Variants in SEMA6A observed in about 807,000 individuals in gnomAD.
SEMA6A encodes semaphorin 6A, also known as semaphorin-6A.
A neutral mutation model predicts 96.8 loss-of-function variants in SEMA6A; 25 were observed. The ratio of observed to expected loss-of-function variants is 0.26; its 90% CI spans 0.19 to 0.36. The LOEUF (loss-of-function observed/expected upper bound fraction) is 0.36, where lower values mean the gene tolerates loss of function less well. Ranked by LOEUF, SEMA6A falls within the 10% of genes least tolerant of loss-of-function variation. SEMA6A has a pLI of 1.00. For synonymous variants in SEMA6A, 612 were observed against 518.0 expected, an observed-to-expected ratio of 1.18 and a Z score of -2.46; for missense variants, 1,363 against 1,323.1, an observed-to-expected ratio of 1.03 and a Z score of -0.47.
At chr5:116,497,149 CTG>C (rs1208871754) in intron 4 of SEMA6A, among the ~76,000 whole-genome samples, 176 bp downstream of exon 4, 5 of 152,150 alleles carry the variant, frequency 3.3e-5, no homozygotes, top group African/African-American at 9.7e-5. Context: ...AAGTACATAA[CTG>C]TTTCTGAACA....
At position 116,447,764 on chromosome 5, in the gene SEMA6A, C is replaced by T. The variant is rs778751794; in HGVS notation, c.1942G>A (p.Val648Ile). 5.6e-5 allele frequency: 90 copies of T among 1,610,782 alleles called. No individual in the cohort carries two copies. The highest frequency in any genetic ancestry group is 7.2e-5 in the Non-Finnish European group (85 of 1,177,468). The change falls in exon 19 of 19, where the codon GTC (valine) becomes ATC (isoleucine). Residue 648 changes from valine to isoleucine, a missense_variant. Around this residue, in one of 2 missense-constraint regions of SEMA6A, gnomAD observed 883 missense variants for 763.6 expected, o/e 1.16. Coordinates refer to ENST00000343348, the MANE Select transcript of SEMA6A (RefSeq NM_020796.5). ...YLKGHDQLVP[V>I]TLLAIAVILA... ...ATGACTGCAATGGCCAAGAGGGTGACGGGAACCAGCTGGTCGTGGCCTTTG... is the reference window on the plus strand; with the variant it reads ...ATGACTGCAATGGCCAAGAGGGTGATGGGAACCAGCTGGTCGTGGCCTTTG...
chr5:116,574,438 CA>C lies in SEMA6A; in HGVS notation c.-293del, dbSNP rs553318441. Reference sequence around the variant, plus strand: ...GAGAAGGGGAGAGGAAAAAAGAAGCCAAAAAAAAAAAGAAGAAAAAGAAAAA... The same window carrying C: ...GAGAAGGGGAGAGGAAAAAAGAAGCCAAAAAAAAAAGAAGAAAAAGAAAAA... On this transcript the variant is annotated 5_prime_UTR_variant, in exon 1 of 19. Coordinates refer to ENST00000343348, the MANE Select transcript of SEMA6A (RefSeq NM_020796.5). 237 of 133,926 alleles carry C rather than the reference CA, an allele frequency of 1.8e-3. No individual in the cohort carries two copies. Among genetic ancestry groups the C allele is most frequent in the Middle Eastern group, 7.5e-3 (2 of 268 alleles). 8.3% of individuals were successfully genotyped at this position (133,926 alleles called of 1,614,324 possible).
chr5:116,519,645 G>T (rs533830476), intron 1 of SEMA6A, among the ~76,000 whole-genome samples: 4 of 150,068 alleles, frequency 2.7e-5, no homozygotes, highest in African/African-American at 4.9e-5. Context: ...TACATAAGTG[G>T]CTATAACGAT....
chr5:116,486,220 T>G (rs1757041064), intron 10 of SEMA6A, among the ~76,000 whole-genome samples: 1 of 152,188 alleles, frequency 6.6e-6, no homozygotes, highest in Non-Finnish European at 1.5e-5. Flanking sequence ...AATCCTAGAT[T>G]TCACCCTGTA....
intron 1 of SEMA6A, among the ~76,000 whole-genome samples, chr5:116,552,250 A>AT (rs11379947): frequency 0.7 from 106,685 of 151,872 alleles, 37,754 homozygotes; most frequent in East Asian, 0.86. Context: ...GTAGTCAATC[A>AT]TTTTTTTTCA....
chr5:116,449,463 C>A, intron 18 of SEMA6A: 1 of 658,028 alleles, frequency 1.5e-6, no homozygotes, highest in Middle Eastern at 2.4e-4. Context: ...GCCCACAACA[C>A]GCAACCTTAA....
chr5:116,465,239 A>G (rs1755656034), intron 18 of SEMA6A, among the ~76,000 whole-genome samples: 1 of 152,200 alleles, frequency 6.6e-6, no homozygotes, highest in South Asian at 2.1e-4. Flanking sequence ...TGAGTCAGAA[A>G]AGGAACAAGA....
intron 18 of SEMA6A, among the ~76,000 whole-genome samples, chr5:116,455,058 A>G (rs1383182721): frequency 6.6e-6 from 1 of 152,180 alleles, no homozygotes; most frequent in Non-Finnish European, 1.5e-5. Context: ...CACCTTTAAA[A>G]GTGATGCATT....
intron 1 of SEMA6A, among the ~76,000 whole-genome samples, chr5:116,533,811 C>T (rs747604788): frequency 2.0e-5 from 3 of 152,138 alleles, no homozygotes; most frequent in Non-Finnish European, 4.4e-5. Context: ...ACCTTTCATC[C>T]CTCACACCTC....
chr5:116,486,708 A>T (rs754161181), intron 10 of SEMA6A, 41 bp downstream of exon 10: 13 of 1,529,614 alleles, frequency 8.5e-6, no homozygotes, highest in Non-Finnish European at 1.1e-5. Flanking sequence ...GAAGGAAGCC[A>T]GGAAGAATTG....
intron 16 of SEMA6A, among the ~76,000 whole-genome samples, chr5:116,474,604 A>C (rs1013514872): frequency 1.3e-5 from 2 of 152,238 alleles, no homozygotes; most frequent in African/African-American, 4.8e-5. Context: ...AATCTCTAAA[A>C]AAGATAAGGT....
intron 1 of SEMA6A, among the ~76,000 whole-genome samples, chr5:116,559,481 G>T (rs254207): frequency 0.75 from 113,690 of 151,998 alleles, 42,980 homozygotes; most frequent in East Asian, 0.85. Context: ...TGCCCCATCC[G>T]CACTTGGGGC....
chr5:116,532,648 T>G (rs1580483336), intron 1 of SEMA6A, among the ~76,000 whole-genome samples: 1 of 152,302 alleles, frequency 6.6e-6, no homozygotes, highest in East Asian at 1.9e-4. Flanking sequence ...TGCTGGACAC[T>G]CCCTTTCCCA....
At chr5:116,550,622 G>T (rs1044905610) in intron 1 of SEMA6A, 1 of 152,126 alleles carries the variant, frequency 6.6e-6, no homozygotes, top group Non-Finnish European at 1.5e-5. Flanking sequence ...TGTAGCCTGG[G>T]GACCTTCCAC....
rs1758888476 is a variant in SEMA6A at position 116,520,588 on chromosome 5, A to T, written c.-38-15606T>A. Among the ~76,000 whole-genome samples, 3 of 152,130 alleles carry T rather than the reference A, an allele frequency of 2.0e-5. No homozygotes were observed. In the South Asian group the frequency reaches 6.2e-4, roughly 32 times the overall value. The stretch of plus-strand genomic sequence containing the variant: ...AGATATCTGAAGAGAAACCTAGAGG[A>T]CAGTTGTGAGGGTAGACCTAAGATC... On this transcript the variant is annotated intron_variant, in intron 1 of 18. Transcript: ENST00000343348.
At chr5:116,476,399 C>T (rs1000912052) in intron 15 of SEMA6A, among the ~76,000 whole-genome samples, 2 of 152,084 alleles carry the variant, frequency 1.3e-5, no homozygotes, top group Non-Finnish European at 2.9e-5. Flanking sequence ...ATTTATGAGC[C>T]GTATAGGAAA....
At chr5:116,488,851 TC>T in intron 8 of SEMA6A, 36 bp downstream of exon 8, 1 of 1,531,660 alleles carries the variant, frequency 6.5e-7, no homozygotes, top group Non-Finnish European at 8.8e-7. Context: ...TGTATTCCCC[TC>T]CCCTCCGACC....
Position 116,491,713 on chromosome 5 carries a change from G to A in SEMA6A, c.535+27C>T, listed in dbSNP as rs755560790. ...CAGGATGAAACAAGCAAAAGCAAGT[G>A]CAACGAGGAGAAATCAGGTCGCTTA... is the stretch of plus-strand genomic sequence containing the variant. On this transcript the variant is annotated intron_variant, in intron 7 of 18. Coordinates refer to ENST00000343348, the MANE Select transcript of SEMA6A (RefSeq NM_020796.5). 3.8e-6 allele frequency: 6 copies of A among 1,583,812 alleles called. No homozygotes were observed. The African/African-American group carries it at 5.4e-5, about 14-fold the overall frequency.
At position 116,487,144 on chromosome 5, in the gene SEMA6A, A is replaced by G. The variant is rs1757090986; in HGVS notation, c.745-178T>C. 3 of 581,280 alleles carry G rather than the reference A, an allele frequency of 5.2e-6. No homozygotes were observed. The South Asian group carries it at 6.3e-5, about 12-fold the overall frequency. 36.0% of individuals were successfully genotyped at this position (581,280 alleles called of 1,614,324 possible). ...AAAAAAGAGGAAAACTCAGCATTAG[A>G]GTAGCATGTTTTAAAAGATAAGGCT... On this transcript the variant is annotated intron_variant, in intron 9 of 18. Transcript: ENST00000343348.
Sources: allele counts gnomAD v4.1 joint callset (sites outside exome capture counted in the v4.1 genomes callset), GRCh38; gene constraint gnomAD v4.1.1; regional missense constraint gnomAD v4.1.1; transcripts MANE v1.5; gene names NCBI Gene and HGNC (gene_info 2026-07-23, HGNC 2026-07-21).